The following COL8A1 variants were observed in gnomAD, a reference collection of about 807,000 sequenced individuals.
The protein encoded by COL8A1 is collagen alpha-1(VIII) chain.
In COL8A1, 21 loss-of-function variants were observed where a neutral mutation model predicts 42.7. The ratio of observed to expected loss-of-function variants is 0.49; its 90% CI spans 0.35 to 0.71. The LOEUF is 0.71. COL8A1 is among the 30% of genes least tolerant of loss of function. COL8A1 has a pLI of 0.01. For synonymous variants in COL8A1, 367 were observed against 369.1 expected (o/e 0.99, Z 0.06); for missense variants, 788 against 962.4 (o/e 0.82, Z 2.40).
In COL8A1 at chr3:99,724,063, T is replaced by G. The variant is rs138697484; in HGVS notation, c.-128-20834T>G. ...GAAGGATGGAGTCTGTTTGACTTGC[T>G]TTGCACGACACTGTGTGTACATGCA... On this transcript the variant is annotated intron_variant, in intron 1 of 3. Coordinates refer to ENST00000652472, the MANE Select transcript of COL8A1 (RefSeq NM_020351.4). 6.5e-4 allele frequency among the ~76,000 whole-genome samples: 99 copies of G among 152,226 alleles called. 2 individuals are homozygous for G. In the East Asian group the frequency reaches 0.016, roughly 25 times the overall value.
At chr3:99,785,399 A>G (rs1358504540) in intron 2 of COL8A1, among the ~76,000 whole-genome samples, 2 of 152,236 alleles carry the variant, frequency 1.3e-5, no homozygotes, top group East Asian at 3.8e-4. Flanking sequence ...TGTTTAGTCT[A>G]ATGGACAAAA....
At chr3:99,707,481 GTAAC>G (rs1939712846) in intron 1 of COL8A1, among the ~76,000 whole-genome samples, 1 of 152,184 alleles carries the variant, frequency 6.6e-6, no homozygotes, top group African/African-American at 2.4e-5. Context: ...GCTTCTGCCT[GTAAC>G]TAGCCATCAC....
chr3:99,660,148 C>T (rs961098079), intron 1 of COL8A1, among the ~76,000 whole-genome samples: 4 of 152,050 alleles, frequency 2.6e-5, no homozygotes, highest in African/African-American at 4.8e-5. Flanking sequence ...GAGTGTGGTG[C>T]GTCACAAGTG....
At chr3:99,674,196 T>C (rs762324305) in intron 1 of COL8A1, among the ~76,000 whole-genome samples, 3 of 152,018 alleles carry the variant, frequency 2.0e-5, no homozygotes, top group Non-Finnish European at 4.4e-5. Flanking sequence ...AGACTATTTA[T>C]AGGAAATCTC....
chr3:99,782,389 ATTAT>A (rs1206153147), intron 2 of COL8A1, among the ~76,000 whole-genome samples: 3 of 151,870 alleles, frequency 2.0e-5, no homozygotes, highest in African/African-American at 7.3e-5. Flanking sequence ...AATTATTATT[ATTAT>A]TTATTTATTT....
At chr3:99,755,149 G>A (rs745491012) in intron 2 of COL8A1, among the ~76,000 whole-genome samples, 2 of 152,076 alleles carry the variant, frequency 1.3e-5, no homozygotes, top group South Asian at 2.1e-4. Flanking sequence ...ACACAGAAGT[G>A]TAAAGAAAAA....
chr3:99,744,777 A>C (rs1266292615), intron 1 of COL8A1, 120 bp from the exon 2 acceptor site: 1 of 152,228 alleles, frequency 6.6e-6, no homozygotes, highest in East Asian at 1.9e-4. Context: ...AAAATAAACT[A>C]ATAGCATTTT....
intron 2 of COL8A1, among the ~76,000 whole-genome samples, chr3:99,748,224 C>A (rs1241718734): frequency 6.6e-6 from 1 of 152,176 alleles, no homozygotes; most frequent in African/African-American, 2.4e-5. Flanking sequence ...CACATTGCCA[C>A]CCTCTGGCAC....
At chr3:99,769,862 T>C (rs889657460) in intron 2 of COL8A1, among the ~76,000 whole-genome samples, 1 of 152,118 alleles carries the variant, frequency 6.6e-6, no homozygotes, top group African/African-American at 2.4e-5. Flanking sequence ...GAGGTTGCAG[T>C]GAGCTGAAAT....
chr3:99,661,199 A>T (rs747355030), intron 1 of COL8A1, among the ~76,000 whole-genome samples: 67 of 152,338 alleles, frequency 4.4e-4, no homozygotes, highest in Non-Finnish European at 6.5e-4. Flanking sequence ...CTTACAAAAC[A>T]TATATTTGAT....
intron 1 of COL8A1, among the ~76,000 whole-genome samples, chr3:99,707,553 A>G (rs564091618): frequency 6.6e-6 from 1 of 152,254 alleles, no homozygotes; most frequent in East Asian, 1.9e-4. Context: ...TGTGTTTAGG[A>G]AAAGGTCACT....
chr3:99,796,154 A>C lies in COL8A1; in HGVS notation c.*18A>C. ...CCATGTAAAAACAAAAAAACAAAAA[A>C]CAAAGAAAAGAAAGAGATTTTATAG... is the stretch of plus-strand genomic sequence containing the variant. On this transcript the variant is annotated 3_prime_UTR_variant, in exon 4 of 4. Transcript: ENST00000652472. The C allele has an allele frequency of 6.9e-7, 1 of 1,454,258 alleles. No homozygotes were observed. The highest frequency in any genetic ancestry group is 9.1e-7 in the Non-Finnish European group (1 of 1,098,506). 90.1% of individuals were successfully genotyped at this position (1,454,258 alleles called of 1,614,324 possible).
At chr3:99,712,085 A>ATT (rs1286735066) in intron 1 of COL8A1, among the ~76,000 whole-genome samples, 1 of 152,158 alleles carries the variant, frequency 6.6e-6, no homozygotes, top group Non-Finnish European at 1.5e-5. Flanking sequence ...AAAGCAATAA[A>ATT]GTCATACTTT....
chr3:99,776,941 A>G (rs1941704861), intron 2 of COL8A1, among the ~76,000 whole-genome samples: 1 of 152,152 alleles, frequency 6.6e-6, no homozygotes, highest in Non-Finnish European at 1.5e-5. Flanking sequence ...ATGCTAATGC[A>G]TTATAACTAG....
chr3:99,649,289 G>T (rs1937760088), intron 1 of COL8A1, among the ~76,000 whole-genome samples: 1 of 151,944 alleles, frequency 6.6e-6, no homozygotes, highest in African/African-American at 2.4e-5. Context: ...CCTCCATAAA[G>T]ACTGTGAGCT....
At chr3:99,769,745 C>T (rs912903682) in intron 2 of COL8A1, among the ~76,000 whole-genome samples, 4 of 152,140 alleles carry the variant, frequency 2.6e-5, no homozygotes, top group Admixed American at 6.5e-5. Flanking sequence ...ATGGTGAAAC[C>T]GTGTCTCTAT....
At chr3:99,747,132 AC>A (rs1218504491) in intron 2 of COL8A1, among the ~76,000 whole-genome samples, 2 of 152,178 alleles carry the variant, frequency 1.3e-5, no homozygotes, top group African/African-American at 4.8e-5. Flanking sequence ...ACAGAATGTA[AC>A]TTTTTTAATT....
At chr3:99,770,643 C>T (rs1331280488) in intron 2 of COL8A1, among the ~76,000 whole-genome samples, 1 of 152,096 alleles carries the variant, frequency 6.6e-6, no homozygotes, top group Non-Finnish European at 1.5e-5. Flanking sequence ...TATGCATATA[C>T]ATATATACTC....
intron 2 of COL8A1, among the ~76,000 whole-genome samples, chr3:99,762,461 A>G (rs1364856818): frequency 6.6e-6 from 1 of 151,332 alleles, no homozygotes; most frequent in Non-Finnish European, 1.5e-5. Flanking sequence ...GCTGGGAGGT[A>G]AAGTTCAAAT....
Sources: gnomAD v4.1 joint callset for allele counts (sites outside exome capture counted in the v4.1 genomes callset) on GRCh38, gnomAD v4.1.1 for gene constraint, MANE v1.5 for transcripts, NCBI Gene and HGNC (gene_info 2026-07-23, HGNC 2026-07-21) for gene names.